The following ECT2L variants were observed in gnomAD, a reference collection of about 807,000 sequenced individuals.
ECT2L encodes epithelial cell-transforming sequence 2 oncogene-like.
ECT2L carries 126 observed loss-of-function variants against 122.8 expected under a neutral mutation model. That is an observed-to-expected ratio of 1.03 (90% CI 0.89 to 1.19). The LOEUF (loss-of-function observed/expected upper bound fraction) is 1.19. Among genes scored for constraint, ECT2L ranks in the 50% most tolerant of loss-of-function variants. The probability of loss-of-function intolerance (pLI) is 0.00; values close to 1 mark genes in which losing one functional copy is unlikely to be tolerated. For missense variants in ECT2L, 1,012 were observed against 1,064.1 expected, an observed-to-expected ratio of 0.95 and a Z score of 0.68; for synonymous variants, 385 against 381.8, an observed-to-expected ratio of 1.01 and a Z score of -0.10.
At chr6:138,842,658 G>A (rs1190571565) in intron 5 of ECT2L, among the ~76,000 whole-genome samples, 4 of 151,736 alleles carry the variant, frequency 2.6e-5, no homozygotes, top group Non-Finnish European at 5.9e-5. Flanking sequence ...TGTAGTCCCA[G>A]CTACTCTGGA....
chr6:138,814,614 C>T lies in ECT2L; in HGVS notation c.179+11C>T. The T allele has an allele frequency of 6.8e-7, 1 of 1,472,054 alleles. No homozygotes were observed. Among genetic ancestry groups the T allele is most frequent in the Non-Finnish European group, 9.5e-7 (1 of 1,055,856 alleles). The allele number at this position is 1,472,054 out of a possible 1,614,324, so 91.2% of individuals were successfully genotyped here. ...TAAATCACAATTAAGGTAAATGTAG[C>T]CTAATGATGTAATTAACATTGATTC... On this transcript the variant is annotated intron_variant, in intron 4 of 21. Coordinates refer to ENST00000541398, the MANE Select transcript of ECT2L (RefSeq NM_001077706.3).
intron 13 of ECT2L, among the ~76,000 whole-genome samples, chr6:138,875,480 C>A (rs73778426): frequency 6.6e-6 from 1 of 152,204 alleles, no homozygotes; most frequent in Non-Finnish European, 1.5e-5. Context: ...GCAGCAATAA[C>A]GACCATTGAC....
chr6:138,837,805 T>A (rs1776892763), intron 4 of ECT2L, among the ~76,000 whole-genome samples: 2 of 152,142 alleles, frequency 1.3e-5, no homozygotes, highest in Admixed American at 6.5e-5. Context: ...GAAAATCACA[T>A]CAAACTAGGT....
intron 4 of ECT2L, among the ~76,000 whole-genome samples, chr6:138,815,729 C>T (rs185167285): frequency 6.6e-6 from 1 of 152,178 alleles, no homozygotes. Context: ...GGTACTTTCA[C>T]TAGAACTTGG....
Position 138,844,461 on chromosome 6 carries a change from T to C in ECT2L, c.645T>C (p.Ser215=). ...RPPWVSGTCC[S]SVLKPRCQPR... ...CTTGGGTGAGTGGAACTTGCTGCTC[T>C]AGCGTGCTAAAGCCCAGATGCCAAC... is the stretch of plus-strand genomic sequence containing the variant. The change falls in exon 7 of 22, where the codon TCT becomes TCC. Residue 215 remains serine, a synonymous_variant. Coordinates refer to ENST00000541398, the MANE Select transcript of ECT2L (RefSeq NM_001077706.3). 3.7e-6 allele frequency: 6 copies of C among 1,614,186 alleles called. No homozygotes were observed. Among genetic ancestry groups the C allele is most frequent in the Non-Finnish European group, 5.1e-6 (6 of 1,180,006 alleles).
chr6:138,887,004 C>A, intron 19 of ECT2L, 82 bp downstream of exon 19: 1 of 1,130,278 alleles, frequency 8.8e-7, no homozygotes, highest in South Asian at 1.3e-5. Flanking sequence ...CTACAGATCC[C>A]AAGGCAGCTA....
At position 138,829,285 on chromosome 6, in the gene ECT2L, G is replaced by A. The variant is rs117196799; in HGVS notation, c.180-9067G>A. Among the ~76,000 whole-genome samples, 71 of 152,086 alleles carry A rather than the reference G, an allele frequency of 4.7e-4. No homozygotes were observed. The East Asian group carries it at 0.011, about 23-fold the overall frequency. On this transcript the variant is annotated intron_variant, in intron 4 of 21. Coordinates refer to ENST00000541398, the MANE Select transcript of ECT2L (RefSeq NM_001077706.3). The stretch of plus-strand genomic sequence containing the variant: ...TGTTTCCTTTCGGTGGGAAATATTT[G>A]GTATTAGGTATTGCCGTAATAGAGC...
chr6:138,829,810 C>T (rs1776586618), intron 4 of ECT2L, among the ~76,000 whole-genome samples: 1 of 152,150 alleles, frequency 6.6e-6, no homozygotes, highest in East Asian at 1.9e-4. Flanking sequence ...GCAACCTCCG[C>T]CTCCCGGGTT....
At chr6:138,873,872 C>CTGTGTGTGTGTGTGTGTGTGTG (rs57839466) in intron 13 of ECT2L, among the ~76,000 whole-genome samples, 12 of 71,364 alleles carry the variant, frequency 1.7e-4, no homozygotes, top group African/African-American at 8.0e-4. Flanking sequence ...AAATCCAGGA[C>CTGTGTGTGTGTGTGTGTGTGTG]TGTGTGTGTG....
chr6:138,885,610 C>T lies in ECT2L; in HGVS notation c.2102+31C>T, dbSNP rs575941977. On this transcript the variant is annotated intron_variant, in intron 17 of 21. Coordinates refer to ENST00000541398, the MANE Select transcript of ECT2L (RefSeq NM_001077706.3). ...TTCTGAGGGAGAGCACAGCAGGGGT[C>T]CCCCCAGAGAGGGCATTCCTGGGCC... 15 of 1,613,616 alleles carry T rather than the reference C, an allele frequency of 9.3e-6. No individual in the cohort carries two copies. The South Asian group carries it at 1.3e-4, about 14-fold the overall frequency.
intron 16 of ECT2L, among the ~76,000 whole-genome samples, chr6:138,883,781 T>C (rs1233183988): frequency 6.6e-6 from 1 of 152,240 alleles, no homozygotes; most frequent in African/African-American, 2.4e-5. Context: ...GCCTAAATTT[T>C]TTTAGCTATA....
intron 14 of ECT2L, among the ~76,000 whole-genome samples, chr6:138,878,306 T>TATAC (rs139026623): frequency 0.11 from 15,808 of 150,164 alleles, 847 homozygotes; most frequent in Non-Finnish European, 0.14. Context: ...CATATATATA[T>TATAC]ACACACACAC....
chr6:138,892,191 T>C (rs926506739), intron 20 of ECT2L, among the ~76,000 whole-genome samples: 1 of 152,208 alleles, frequency 6.6e-6, no homozygotes, highest in African/African-American at 2.4e-5. Flanking sequence ...TAAGCTTCTG[T>C]TGACATATCT....
chr6:138,902,111 T>C (rs1410535952), intron 21 of ECT2L, among the ~76,000 whole-genome samples: 9 of 152,246 alleles, frequency 5.9e-5, no homozygotes, highest in East Asian at 3.8e-4. Flanking sequence ...TTCAGCTAAG[T>C]AGCTGGCTTG....
Position 138,840,927 on chromosome 6 carries a change from C to T in ECT2L, c.343-2052C>T, listed in dbSNP as rs191490403. Among the ~76,000 whole-genome samples, 7 of 152,256 alleles carry T rather than the reference C, an allele frequency of 4.6e-5. No individual in the cohort carries two copies. In the East Asian group the frequency reaches 1.4e-3, roughly 29 times the overall value. The stretch of plus-strand genomic sequence containing the variant: ...AAGATTCACCACGTCTCATAACTTT[C>T]ATATTCTTTTATACACATTTTCCAT... On this transcript the variant is annotated intron_variant, in intron 5 of 21. Coordinates refer to ENST00000541398, the MANE Select transcript of ECT2L (RefSeq NM_001077706.3).
intron 10 of ECT2L, among the ~76,000 whole-genome samples, chr6:138,854,544 C>T (rs951460036): frequency 7.9e-5 from 12 of 152,156 alleles, no homozygotes; most frequent in Admixed American, 1.3e-4. Flanking sequence ...GACCAAGAAC[C>T]TGAACTTGAG....
chr6:138,847,403 C>A (rs563333904), intron 8 of ECT2L, among the ~76,000 whole-genome samples: 1 of 103,174 alleles, frequency 9.7e-6, no homozygotes. Flanking sequence ...TGGAGTCTCA[C>A]TCTGTCGCCC....
At chr6:138,798,914 T>C (rs1775435833) in intron 1 of ECT2L, among the ~76,000 whole-genome samples, 1 of 152,036 alleles carries the variant, frequency 6.6e-6, no homozygotes, top group South Asian at 2.1e-4. Flanking sequence ...TGCTGAGTGT[T>C]CAAACTGTGT....
At chr6:138,835,292 T>A (rs1261120928) in intron 4 of ECT2L, among the ~76,000 whole-genome samples, 1 of 152,230 alleles carries the variant, frequency 6.6e-6, no homozygotes, top group East Asian at 1.9e-4. Flanking sequence ...CTCAAGCCTG[T>A]AATCCCAGCA....
Sources: gnomAD v4.1 joint callset for allele counts (sites outside exome capture counted in the v4.1 genomes callset) on GRCh38, gnomAD v4.1.1 for gene constraint, MANE v1.5 for transcripts, NCBI Gene and HGNC (gene_info 2026-07-23, HGNC 2026-07-21) for gene names.